The following AMOTL2 variants were observed in gnomAD, a reference collection of about 807,000 sequenced individuals.
The protein encoded by AMOTL2 is angiomotin like 2.
AMOTL2 carries 33 observed loss-of-function variants against 78.4 expected under a neutral mutation model. The ratio of observed to expected loss-of-function variants is 0.42; its 90% CI spans 0.32 to 0.56. AMOTL2 has a LOEUF of 0.56. Among genes scored for constraint, AMOTL2 ranks in the 20% least tolerant of loss-of-function variants. The pLI is 0.12. For missense variants in AMOTL2, 983 were observed against 1,030.1 expected (o/e 0.95, Z 0.63); for synonymous variants, 422 against 428.8 (o/e 0.98, Z 0.20).
rs755736379 is a variant in AMOTL2 at position 134,357,691 on chromosome 3, A to G, written c.*14T>C. Reference sequence around the variant, plus strand: ...GGGGAGAGAATGGCTCAGAGTCCTGAAGCACCACCTCCTTCAGATCAGTAT... The same window carrying G: ...GGGGAGAGAATGGCTCAGAGTCCTGGAGCACCACCTCCTTCAGATCAGTAT... On this transcript the variant is annotated 3_prime_UTR_variant, in exon 10 of 10. Coordinates refer to ENST00000249883, the MANE Select transcript of AMOTL2 (RefSeq NM_016201.4). 4 of 1,613,948 alleles carry G rather than the reference A, an allele frequency of 2.5e-6. No homozygotes were observed. Among genetic ancestry groups the G allele is most frequent in the Non-Finnish European group, 1.7e-6 (2 of 1,179,866 alleles).
Position 134,365,801 on chromosome 3 carries a change from TG to T in AMOTL2, c.1279+15del. On this transcript the variant is annotated intron_variant, in intron 5 of 9. Coordinates refer to ENST00000249883, the MANE Select transcript of AMOTL2 (RefSeq NM_016201.4). ...CCTGCACACAGGCCAGGCTTCTTAGTGGGGCCCCTACTCACTCTGAGCAAGC... is the reference window on the plus strand; with the variant it reads ...CCTGCACACAGGCCAGGCTTCTTAGTGGGCCCCTACTCACTCTGAGCAAGC... 1 of 1,612,188 alleles carries T rather than the reference TG, an allele frequency of 6.2e-7. No individual in the cohort carries two copies.
intron 4 of AMOTL2, 66 bp downstream of exon 4, chr3:134,366,217 C>T: frequency 6.4e-7 from 1 of 1,555,750 alleles, no homozygotes; most frequent in Non-Finnish European, 8.7e-7. Context: ...CAATTTTTCT[C>T]TAGAACAAAA....
intron 2 of AMOTL2, among the ~76,000 whole-genome samples, chr3:134,368,375 C>G (rs2017701861): frequency 6.6e-6 from 1 of 152,054 alleles, no homozygotes; most frequent in Non-Finnish European, 1.5e-5. Flanking sequence ...GTCCTGCCAC[C>G]CCCCACCCCC....
In AMOTL2 at chr3:134,374,271, A is replaced by C. The variant is rs893793595; in HGVS notation, c.-62+71T>G. 3 of 984,974 alleles carry C rather than the reference A, an allele frequency of 3.0e-6. No individual in the cohort carries two copies. The African/African-American group carries it at 5.3e-5, about 17-fold the overall frequency. The allele number at this position is 984,974 out of a possible 1,614,324, so 61.0% of individuals were successfully genotyped here. On this transcript the variant is annotated intron_variant, in intron 1 of 9. Transcript: ENST00000249883. ...CCGGAAAAGGCCGGGTTGCGCCGAG[A>C]CTCCAGCTTTGGCTGGGGCACGTTT...
chr3:134,372,530 A>ACACACACACAC (rs369985084), intron 1 of AMOTL2, among the ~76,000 whole-genome samples: 1 of 144,330 alleles, frequency 6.9e-6, no homozygotes, highest in Non-Finnish European at 1.5e-5. Context: ...TATCCTCCCC[A>ACACACACACAC]ACACACACAC....
At chr3:134,371,617 G>A (rs759710376) in intron 1 of AMOTL2, 123 bp from the exon 2 acceptor site, 265 of 1,420,932 alleles carry the variant, frequency 1.9e-4, no homozygotes, top group Non-Finnish European at 2.2e-4. Flanking sequence ...GAGCAGGGGT[G>A]GGGCGGTTCA....
chr3:134,361,670 C>T lies in AMOTL2; in HGVS notation c.1417G>A (p.Glu473Lys), dbSNP rs770749530. 39 of 1,611,726 alleles carry T rather than the reference C, an allele frequency of 2.4e-5. No homozygotes were observed. The Admixed American group carries it at 5.5e-4, about 23-fold the overall frequency. ...GNAQGRAARA[E>K]EELRKKQAYV... ...GCCTGCTTCTTGCGCAGCTCCTCTT[C>T]GGCTCGAGCTGCCCGGCCCTGCGCA... The change falls in exon 6 of 10, where the codon GAA becomes AAA. Residue 473 changes from glutamate (E) to lysine (K), a missense_variant. Glu to Lys is a moderately conservative substitution (Grantham distance 56). Coordinates refer to ENST00000249883, the MANE Select transcript of AMOTL2 (RefSeq NM_016201.4).
Position 134,361,380 on chromosome 3 carries a change from C to T in AMOTL2, c.1575+132G>A, listed in dbSNP as rs548376361. ...AGCAATCATCCTCGCCGCCTTCCAA[C>T]GGGCCTGCAGCCTAGATCTAAGCAG... On this transcript the variant is annotated intron_variant, in intron 6 of 9. Transcript: ENST00000249883. 8.2e-5 allele frequency: 89 copies of T among 1,084,592 alleles called. No individual in the cohort carries two copies. The South Asian group carries it at 1.3e-3, about 15-fold the overall frequency. The allele number at this position is 1,084,592 out of a possible 1,614,324, so 67.2% of individuals were successfully genotyped here.
rs2018010748 is a variant in AMOTL2 at position 134,374,422 on chromosome 3, G to C, written c.-142C>G. 1 of 985,360 alleles carries C rather than the reference G, an allele frequency of 1.0e-6. No homozygotes were observed. 61.0% of individuals were successfully genotyped at this position (985,360 alleles called of 1,614,324 possible). ...CAGCTCAGCTCGGCGGCGAAGATGTGTTCTCGGCCGTGGCGCCGACGCTCT... is the reference window on the plus strand; with the variant it reads ...CAGCTCAGCTCGGCGGCGAAGATGTCTTCTCGGCCGTGGCGCCGACGCTCT... On this transcript the variant is annotated 5_prime_UTR_variant, in exon 1 of 10. Transcript: ENST00000249883.
Position 134,356,373 on chromosome 3 carries a change from A to AC in AMOTL2, c.*1331dup, listed in dbSNP as rs1309723075. 3 of 152,572 alleles carry AC rather than the reference A, an allele frequency of 2.0e-5. No homozygotes were observed. Among genetic ancestry groups the AC allele is most frequent in the African/African-American group, 7.2e-5 (3 of 41,468 alleles). The allele number at this position is 152,572 out of a possible 1,614,324, so 9.5% of individuals were successfully genotyped here. A position where few individuals can be genotyped will look rare whatever the true frequency, so the allele number is the denominator to read the frequency against. ...GGTAAAGACAAAACTGCTAAAACCC[A>AC]CCAATAGCTCCTGGGGCTGAAGTGA... On this transcript the variant is annotated 3_prime_UTR_variant, in exon 10 of 10. Transcript: ENST00000249883.
intron 1 of AMOTL2, 97 bp from the exon 2 acceptor site, chr3:134,371,591 A>G: frequency 5.5e-6 from 8 of 1,448,092 alleles, no homozygotes; most frequent in Non-Finnish European, 7.3e-6. Flanking sequence ...ACTCTGGTGG[A>G]AAGCATAAAA....
chr3:134,358,414 C>T (rs2017168835), intron 9 of AMOTL2, 126 bp downstream of exon 9: 21 of 1,192,208 alleles, frequency 1.8e-5, no homozygotes, highest in Admixed American at 5.7e-5. Context: ...TGGCTATGCA[C>T]GGCTCCCCAT....
intron 3 of AMOTL2, among the ~76,000 whole-genome samples, 186 bp downstream of exon 3, chr3:134,367,311 C>T (rs1245791666): frequency 6.6e-6 from 1 of 152,158 alleles, no homozygotes; most frequent in Non-Finnish European, 1.5e-5. Flanking sequence ...TCGGCTGTTC[C>T]CCAGCTGTCT....
Position 134,367,636 on chromosome 3 carries a change from G to A in AMOTL2, c.902C>T (p.Ala301Val), listed in dbSNP as rs759486032. Residue 301 changes from alanine to valine, a missense_variant, in exon 3 of 10, where the codon GCC becomes GTC. Transcript: ENST00000249883. ...GGCACTGCCCGAGGTGGCTGAGGAG[G>A]CCTGGGCACTCACTGGCCCCTCCAC... ...PAVEGPVSAQ[A>V]SSATSGSAHL... 14 of 1,613,268 alleles carry A rather than the reference G, an allele frequency of 8.7e-6. No individual in the cohort carries two copies. Among genetic ancestry groups the A allele is most frequent in the Non-Finnish European group, 9.3e-6 (11 of 1,180,044 alleles).
chr3:134,361,805 A>T lies in AMOTL2; in HGVS notation c.1282T>A (p.Tyr428Asn). Residue 428 changes from tyrosine to asparagine, a missense_variant and splice_region_variant, in exon 6 of 10, where the codon TAC (tyrosine) becomes AAC (asparagine). Tyr to Asn is a moderately radical substitution (Grantham distance 143). Transcript: ENST00000249883. ...TTCTCTTGCTCCTGCTGCTGTTCGT[A>T]GCCTGTAGGGAGAAAGAGGCTTGAT... Reference protein sequence around the residue: ...DMVAKLLAQSYEQQQEQEKLE... With the variant: ...DMVAKLLAQSNEQQQEQEKLE... 6.5e-7 allele frequency: 1 copy of T among 1,547,648 alleles called. No homozygotes were observed. The highest frequency in any genetic ancestry group is 8.8e-7 in the Non-Finnish European group (1 of 1,142,082).
rs2017097566 is a variant in AMOTL2 at position 134,356,716 on chromosome 3, T to G, written c.*989A>C. The stretch of plus-strand genomic sequence containing the variant: ...CCGGGTAGGGCCACCGAAGCCCACC[T>G]GGGGGCATGGCAGATGTCTGTTCAC... On this transcript the variant is annotated 3_prime_UTR_variant, in exon 10 of 10. Transcript: ENST00000249883. 1 of 152,500 alleles carries G rather than the reference T, an allele frequency of 6.6e-6. No homozygotes were observed. The highest frequency in any genetic ancestry group is 2.4e-5 in the African/African-American group (1 of 41,382). 9.4% of individuals were successfully genotyped at this position (152,500 alleles called of 1,614,324 possible). A position where few individuals can be genotyped will look rare whatever the true frequency, so the allele number is the denominator to read the frequency against.
In AMOTL2 at chr3:134,371,359, C is replaced by T; in HGVS notation, c.75G>A (p.Leu25=). The T allele has an allele frequency of 6.2e-7, 1 of 1,610,620 alleles. No homozygotes were observed. ...LIQEQLRYGN[L]TETRTLLAIQ... is the part of the protein sequence containing the mutation. ...TGGCTAGCAGCGTGCGCGTCTCAGT[C>T]AGGTTGCCGTAGCGCAGCTGCTCCT... Residue 25 remains leucine (L), a synonymous_variant, in exon 2 of 10, where the codon CTG becomes CTA. Transcript: ENST00000249883.
At chr3:134,363,037 G>A (rs773152607) in intron 5 of AMOTL2, among the ~76,000 whole-genome samples, 42 of 152,330 alleles carry the variant, frequency 2.8e-4, no homozygotes, top group Non-Finnish European at 4.4e-4. Flanking sequence ...TAGTAAGATG[G>A]GAGAACTGAA....
chr3:134,364,240 C>A (rs929892416), intron 5 of AMOTL2, among the ~76,000 whole-genome samples: 1 of 151,968 alleles, frequency 6.6e-6, no homozygotes, highest in Admixed American at 6.5e-5. Flanking sequence ...GAACAGCTCG[C>A]GGCTCTGGAA....
Sources: allele counts gnomAD v4.1 joint callset (sites outside exome capture counted in the v4.1 genomes callset), GRCh38; gene constraint gnomAD v4.1.1; transcripts MANE v1.5; gene names NCBI Gene and HGNC (gene_info 2026-07-23, HGNC 2026-07-21).